KCNIP4: variants seen among roughly 807,000 people sequenced by gnomAD.
KCNIP4 encodes the protein Kv channel-interacting protein 4.
KCNIP4 carries 12 observed loss-of-function variants against 34.0 expected under a neutral mutation model. The ratio of observed to expected loss-of-function variants is 0.35; its 90% CI spans 0.23 to 0.57. The LOEUF (loss-of-function observed/expected upper bound fraction) is 0.57, where lower values mean the gene tolerates loss of function less well. KCNIP4 is among the 20% of genes least tolerant of loss of function. KCNIP4 has a pLI of 0.83. For missense variants in KCNIP4, 238 were observed against 311.7 expected, an observed-to-expected ratio of 0.76 and a Z score of 1.78; for synonymous variants, 124 against 102.2, an observed-to-expected ratio of 1.21 and a Z score of -1.29.
intron 1 of KCNIP4, among the ~76,000 whole-genome samples, chr4:21,610,859 T>C (rs1258619946): frequency 1.3e-5 from 2 of 152,108 alleles, no homozygotes; most frequent in East Asian, 3.9e-4. Context: ...GGAGTACATG[T>C]GCAGAACGTG....
intron 4 of KCNIP4, 83 bp from the exon 5 acceptor site, chr4:20,749,815 G>T: frequency 2.4e-6 from 2 of 842,008 alleles, no homozygotes; most frequent in Non-Finnish European, 3.8e-6. Context: ...AGCTTCCTTT[G>T]ATCCAGAAGA....
intron 1 of KCNIP4, among the ~76,000 whole-genome samples, chr4:21,105,448 T>C (rs1300105511): frequency 6.6e-6 from 1 of 151,756 alleles, no homozygotes; most frequent in Non-Finnish European, 1.5e-5. Flanking sequence ...ATCAATTTTG[T>C]ATCCTGAGAT....
At chr4:21,152,848 G>C (rs936112568) in intron 1 of KCNIP4, among the ~76,000 whole-genome samples, 1 of 152,128 alleles carries the variant, frequency 6.6e-6, no homozygotes, top group African/African-American at 2.4e-5. Flanking sequence ...TCTATGTTGG[G>C]TATTCCCTGA....
chr4:21,361,960 C>T (rs1399845054), intron 1 of KCNIP4, among the ~76,000 whole-genome samples: 2 of 151,936 alleles, frequency 1.3e-5, no homozygotes, highest in African/African-American at 2.4e-5. Context: ...CCCGTCACAC[C>T]GTCAGAGAAT....
At chr4:20,854,491 G>A (rs887231061) in intron 2 of KCNIP4, among the ~76,000 whole-genome samples, 2 of 152,170 alleles carry the variant, frequency 1.3e-5, no homozygotes, top group Non-Finnish European at 2.9e-5. Context: ...GACTTGCGGG[G>A]AAGAGTGGGA....
At chr4:20,917,204 AT>A (rs1182006611) in intron 1 of KCNIP4, among the ~76,000 whole-genome samples, 4 of 150,506 alleles carry the variant, frequency 2.7e-5, no homozygotes, top group African/African-American at 9.7e-5. Context: ...CGCCCAGCTA[AT>A]TTTTGTATTT....
Position 21,157,081 on chromosome 4 carries a change from T to A in KCNIP4, c.62-274372A>T, listed in dbSNP as rs192606843. Among the ~76,000 whole-genome samples, 636 of 152,254 alleles carry A rather than the reference T, an allele frequency of 4.2e-3. 4 individuals carry two copies. Among genetic ancestry groups the A allele is most frequent in the Non-Finnish European group, 7.0e-3 (475 of 68,012 alleles). On this transcript the variant is annotated intron_variant, in intron 1 of 8. Transcript: ENST00000382152. ...AGAACATGACCTCTTCGGCCTTGAG[T>A]AAGACATGTAACCTCGCTGAGGCTT...
At chr4:21,946,442 G>A (rs558255645) in intron 1 of KCNIP4, among the ~76,000 whole-genome samples, 15 of 152,216 alleles carry the variant, frequency 9.9e-5, no homozygotes, top group Admixed American at 3.3e-4. Context: ...ACAAGAGATC[G>A]GGACTATTAT....
intron 1 of KCNIP4, among the ~76,000 whole-genome samples, chr4:21,784,221 G>A (rs1427329522): frequency 6.6e-6 from 1 of 151,984 alleles, no homozygotes; most frequent in Non-Finnish European, 1.5e-5. Context: ...TGGCATGGGG[G>A]AACCACCCCC....
chr4:21,074,669 C>A (rs1156263367), intron 1 of KCNIP4, among the ~76,000 whole-genome samples: 1 of 151,516 alleles, frequency 6.6e-6, no homozygotes, highest in Non-Finnish European at 1.5e-5. Context: ...TTATTTCTTG[C>A]CTTCTGCTAG....
intron 1 of KCNIP4, among the ~76,000 whole-genome samples, chr4:21,303,540 C>T (rs1450884257): frequency 2.0e-5 from 3 of 152,192 alleles, no homozygotes; most frequent in Non-Finnish European, 1.5e-5. Context: ...AGATCCATTA[C>T]AAACCCTTAA....
chr4:20,936,736 G>A (rs144090200), intron 1 of KCNIP4, among the ~76,000 whole-genome samples: 25 of 152,170 alleles, frequency 1.6e-4, no homozygotes, highest in Non-Finnish European at 2.6e-4. Context: ...GGAAAAAAGC[G>A]TGCTTCTTGT....
intron 1 of KCNIP4, among the ~76,000 whole-genome samples, chr4:21,008,776 G>C (rs1205989980): frequency 1.3e-5 from 2 of 151,724 alleles, no homozygotes; most frequent in Admixed American, 1.3e-4. Flanking sequence ...CGCCCGCCTC[G>C]GCCTCCCAGA....
At chr4:21,333,759 C>G (rs919913635) in intron 1 of KCNIP4, among the ~76,000 whole-genome samples, 1 of 151,680 alleles carries the variant, frequency 6.6e-6, no homozygotes. Flanking sequence ...AAAAAAAAAT[C>G]AATAAAAATC....
At chr4:21,805,582 T>C (rs1316747626) in intron 1 of KCNIP4, among the ~76,000 whole-genome samples, 8 of 152,170 alleles carry the variant, frequency 5.3e-5, no homozygotes, top group Non-Finnish European at 1.2e-4. Context: ...AGCATGAAAA[T>C]GGACTAATAC....
intron 1 of KCNIP4, among the ~76,000 whole-genome samples, chr4:20,951,918 T>TA (rs1337519386): frequency 6.6e-6 from 1 of 152,234 alleles, no homozygotes; most frequent in African/African-American, 2.4e-5. Context: ...AGATATAAAG[T>TA]AAATTTGTTA....
chr4:21,761,788 A>G (rs1344923439), intron 1 of KCNIP4, among the ~76,000 whole-genome samples: 2 of 152,126 alleles, frequency 1.3e-5, no homozygotes, highest in African/African-American at 4.8e-5. Context: ...ACAACATTAA[A>G]AAAAAATTCC....
intron 1 of KCNIP4, among the ~76,000 whole-genome samples, chr4:20,973,675 G>A (rs1240672650): frequency 6.6e-6 from 1 of 152,118 alleles, no homozygotes; most frequent in African/African-American, 2.4e-5. Flanking sequence ...GATTTCAAGT[G>A]AGAGATGTAT....
chr4:20,743,569 G>GTAGAAAGC (rs1424211781), intron 5 of KCNIP4, among the ~76,000 whole-genome samples: 5 of 152,170 alleles, frequency 3.3e-5, no homozygotes, highest in African/African-American at 7.2e-5. Context: ...CTAGCCATAT[G>GTAGAAAGC]TAGAAAGCTG....
Sources: gnomAD v4.1 joint callset for allele counts (sites outside exome capture counted in the v4.1 genomes callset) on GRCh38, gnomAD v4.1.1 for gene constraint, MANE v1.5 for transcripts, NCBI Gene and HGNC (gene_info 2026-07-23, HGNC 2026-07-21) for gene names.